The following SUPT20H variants were observed in gnomAD, a reference collection of about 807,000 sequenced individuals.
SUPT20H encodes the protein SPT20 homolog, SAGA complex component, also known as transcription factor SPT20 homolog.
SUPT20H carries 82 observed loss-of-function variants against 122.8 expected under a neutral mutation model. That is an observed-to-expected ratio of 0.67 (90% CI 0.56 to 0.80). The LOEUF is 0.80. Ranked by LOEUF, SUPT20H falls within the 30% of genes least tolerant of loss-of-function variation. SUPT20H has a pLI of 0.00. For synonymous variants in SUPT20H, 291 were observed against 313.0 expected, an observed-to-expected ratio of 0.93 and a Z score of 0.74; for missense variants, 831 against 921.6, an observed-to-expected ratio of 0.90 and a Z score of 1.27.
rs1454480793 is a variant in SUPT20H, at chr13:37,022,558, A to G, written c.1592-478T>C. 4 of 1,193,960 alleles carry G rather than the reference A, an allele frequency of 3.4e-6. No individual in the cohort carries two copies. Among genetic ancestry groups the G allele is most frequent in the Non-Finnish European group, 4.1e-6 (4 of 964,238 alleles). 74.0% of individuals were successfully genotyped at this position (1,193,960 alleles called of 1,614,324 possible). A position where few individuals can be genotyped will look rare whatever the true frequency, so the allele number is the denominator to read the frequency against. ...AGATGCTATTGCAGTAACAGTAAAA[A>G]TATACAGTTATATTCTACCACAATA... On this transcript the variant is annotated intron_variant, in intron 19 of 25. Coordinates refer to ENST00000350612, the MANE Select transcript of SUPT20H (RefSeq NM_001014286.3). This position sits in a 1 kb window ranked among gnomAD's most constrained non-coding sequence, Gnocchi z 4.5.
chr13:37,053,669 A>G (rs2068253758), intron 1 of SUPT20H, among the ~76,000 whole-genome samples: 1 of 151,048 alleles, frequency 6.6e-6, no homozygotes. Context: ...CACCACATGT[A>G]TTCCAGAACT....
At chr13:37,038,277 G>A (rs2138481083) in intron 9 of SUPT20H, 1 of 152,166 alleles carries the variant, frequency 6.6e-6, no homozygotes, top group East Asian at 1.9e-4. Flanking sequence ...TTTTTTAAAA[G>A]TCTATCATTT....
chr13:37,026,937 C>G, intron 14 of SUPT20H, 121 bp from the exon 15 acceptor site: 1 of 610,256 alleles, frequency 1.6e-6, no homozygotes, highest in Non-Finnish European at 2.5e-6. Context: ...AATCATGCAG[C>G]TACTCTGATG....
chr13:37,032,381 C>A (rs530341254), intron 10 of SUPT20H, among the ~76,000 whole-genome samples: 2 of 152,122 alleles, frequency 1.3e-5, no homozygotes, highest in Non-Finnish European at 2.9e-5. Context: ...AAGTTGCCAC[C>A]TCATCCTAAC....
intron 13 of SUPT20H, 78 bp downstream of exon 13, chr13:37,029,687 G>C: frequency 1.6e-6 from 2 of 1,254,062 alleles, no homozygotes; most frequent in Non-Finnish European, 1.1e-6. Flanking sequence ...AATGGCAATT[G>C]CACTTTATGT....
rs775242600 is a variant in SUPT20H, at chr13:37,025,158, T to G, written c.1329+162A>C. The G allele has an allele frequency of 6.6e-4, 394 of 598,812 alleles. 1 individual carries two copies. Among genetic ancestry groups the G allele is most frequent in the Middle Eastern group, 3.8e-4 (1 of 2,606 alleles). The allele number at this position is 598,812 out of a possible 1,614,324, so 37.1% of individuals were successfully genotyped here. On this transcript the variant is annotated intron_variant, in intron 17 of 25. Transcript: ENST00000350612. ...GGTTTCACACTATTGGTCAGGCTGG[T>G]CTCGAACTCCCGACCTCAGGTGATC...
chr13:37,029,765 A>G lies in SUPT20H; in HGVS notation c.993T>C (p.His331=). ...DDSQPTVWPA[H]DVKDDYVFEC... ...ACAGAGACAGGCAATGATTTCTTAC[A>G]TGGGCTGGCCAGACTGTTGGCTGTG... Residue 331 remains histidine (H), a splice_region_variant and synonymous_variant, in exon 13 of 26, where the codon CAT becomes CAC. Transcript: ENST00000350612. 6.3e-7 allele frequency: 1 copy of G among 1,596,038 alleles called. No homozygotes were observed. Among genetic ancestry groups the G allele is most frequent in the Non-Finnish European group, 8.5e-7 (1 of 1,172,956 alleles).
intron 7 of SUPT20H, among the ~76,000 whole-genome samples, chr13:37,042,377 T>A (rs2138709257): frequency 6.6e-6 from 1 of 152,200 alleles, no homozygotes; most frequent in South Asian, 2.1e-4. Context: ...ATAGACTAAG[T>A]AACATTTTAA....
chr13:37,030,813 A>T (rs1457758016), intron 12 of SUPT20H, among the ~76,000 whole-genome samples: 1 of 152,190 alleles, frequency 6.6e-6, no homozygotes, highest in Non-Finnish European at 1.5e-5. Flanking sequence ...CACATAAGCT[A>T]CCAAAAGATA....
chr13:37,050,375 T>C (rs966232394), intron 2 of SUPT20H, among the ~76,000 whole-genome samples: 1 of 138,434 alleles, frequency 7.2e-6, no homozygotes, highest in African/African-American at 2.7e-5. Flanking sequence ...AAAAAACTTA[T>C]AAGAAGCGGA....
intron 15 of SUPT20H, among the ~76,000 whole-genome samples, chr13:37,026,457 TTTAA>T (rs1284642191): frequency 2.6e-5 from 4 of 152,136 alleles, no homozygotes; most frequent in Non-Finnish European, 5.9e-5. Flanking sequence ...ATTTGGTTGA[TTTAA>T]TTAAGTGATA....
Position 37,031,800 on chromosome 13 carries a change from T to C in SUPT20H, c.803A>G (p.Gln268Arg), listed in dbSNP as rs781128716. ...PPQLRLLDFL[Q>R]KRKERKAGQH... Reference sequence around the variant, plus strand: ...ACCTGCTTTTCTTTCCTTTCTTTTTTGTAAGAAATCAAGTAACCTCAGCTG... The same window carrying C: ...ACCTGCTTTTCTTTCCTTTCTTTTTCGTAAGAAATCAAGTAACCTCAGCTG... The change falls in exon 11 of 26, where the codon CAA becomes CGA. Residue 268 changes from glutamine to arginine, a missense_variant. Coordinates refer to ENST00000350612, the MANE Select transcript of SUPT20H (RefSeq NM_001014286.3). 1 of 1,610,038 alleles carries C rather than the reference T, an allele frequency of 6.2e-7. No individual in the cohort carries two copies. The highest frequency in any genetic ancestry group is 1.1e-5 in the South Asian group (1 of 89,982).
chr13:37,033,830 T>C (rs2063847601), intron 9 of SUPT20H, among the ~76,000 whole-genome samples: 1 of 152,240 alleles, frequency 6.6e-6, no homozygotes, highest in Non-Finnish European at 1.5e-5. Context: ...AATATTGCAC[T>C]TTTTACATAT....
At chr13:37,029,938 T>C (rs535489525) in intron 12 of SUPT20H, 102 bp from the exon 13 acceptor site, 1 of 816,878 alleles carries the variant, frequency 1.2e-6, no homozygotes, top group Non-Finnish European at 1.9e-6. Context: ...AACTCGACAA[T>C]ACAATATACT....
Position 37,028,321 on chromosome 13 carries a change from C to T in SUPT20H, c.994-16G>A. The T allele has an allele frequency of 6.3e-7, 1 of 1,598,474 alleles. No individual in the cohort carries two copies. The highest frequency in any genetic ancestry group is 8.5e-7 in the Non-Finnish European group (1 of 1,174,266). ...CTTTTACATCCTGAAAAATGCATAGCACCTCAAATAAATACCTTCACAAGT... is the reference window on the plus strand; with the variant it reads ...CTTTTACATCCTGAAAAATGCATAGTACCTCAAATAAATACCTTCACAAGT... On this transcript the variant is annotated splice_polypyrimidine_tract_variant and intron_variant, in intron 13 of 25. Transcript: ENST00000350612.
At chr13:37,029,876 C>T in intron 12 of SUPT20H, 40 bp from the exon 13 acceptor site, 3 of 1,465,786 alleles carry the variant, frequency 2.0e-6, no homozygotes, top group Non-Finnish European at 2.8e-6. Flanking sequence ...AAAATAGAAT[C>T]CATATCAGAT....
At chr13:37,015,755 A>G (rs1040107781) in intron 23 of SUPT20H, among the ~76,000 whole-genome samples, 1 of 152,214 alleles carries the variant, frequency 6.6e-6, no homozygotes, top group Non-Finnish European at 1.5e-5. Flanking sequence ...ATTATTTACA[A>G]TAGCCGAAAG....
Position 37,045,269 on chromosome 13 carries a change from C to A in SUPT20H, c.270G>T (p.Met90Ile), listed in dbSNP as rs140415793. Reference protein sequence around the residue: ...LYPGNEGYSLMLRGKNGSDSE... With the variant: ...LYPGNEGYSLILRGKNGSDSE... ...TACCTGATCCGTTTTTTCCCCTGAG[C>A]ATCAGAGAATATCCCTCATTTCCTG... is the stretch of plus-strand genomic sequence containing the variant. The change falls in exon 6 of 26, where the codon ATG (methionine) becomes ATT (isoleucine). Residue 90 changes from methionine to isoleucine, a missense_variant. Met to Ile is a conservative substitution (Grantham distance 10, BLOSUM62 1). Transcript: ENST00000350612. 2 of 1,613,660 alleles carry A rather than the reference C, an allele frequency of 1.2e-6. No homozygotes were observed. The highest frequency in any genetic ancestry group is 1.7e-6 in the Non-Finnish European group (2 of 1,179,724).
intron 22 of SUPT20H, among the ~76,000 whole-genome samples, chr13:37,017,575 T>C (rs1203852437): frequency 1.3e-5 from 2 of 152,218 alleles, no homozygotes; most frequent in African/African-American, 4.8e-5. Context: ...CTCCCAAGTA[T>C]GCTAATACTC....
Sources: gnomAD v4.1 joint callset for allele counts (sites outside exome capture counted in the v4.1 genomes callset) on GRCh38, gnomAD v4.1.1 for gene constraint, Gnocchi (gnomAD v3.1) non-coding constraint, MANE v1.5 for transcripts, NCBI Gene and HGNC (gene_info 2026-07-23, HGNC 2026-07-21) for gene names.